Variants in ACVR2A observed in about 807,000 individuals in gnomAD.
ACVR2A encodes activin receptor type-2A.
A neutral mutation model predicts 61.4 loss-of-function variants in ACVR2A; 7 were observed. The observed-to-expected ratio is 0.11, with a 90% CI of 0.06 to 0.21. ACVR2A has a LOEUF of 0.21. Among genes scored for constraint, ACVR2A ranks in the 10% least tolerant of loss-of-function variants. The probability of loss-of-function intolerance (pLI) is 1.00; values close to 1 mark genes in which losing one functional copy is unlikely to be tolerated. For synonymous variants in ACVR2A, 193 were observed against 208.3 expected (o/e 0.93, Z 0.63); for missense variants, 322 against 621.7 (o/e 0.52, Z 5.13).
intron 1 of ACVR2A, among the ~76,000 whole-genome samples, chr2:147,885,362 T>G (rs934230644): frequency 2.2e-4 from 34 of 152,300 alleles, no homozygotes; most frequent in Admixed American, 7.8e-4. Flanking sequence ...CAGTCAGTAC[T>G]TGTTTTAAAA....
chr2:147,876,650 G>A (rs899056722), intron 1 of ACVR2A, among the ~76,000 whole-genome samples: 1 of 152,086 alleles, frequency 6.6e-6, no homozygotes, highest in Non-Finnish European at 1.5e-5. Flanking sequence ...TTCCTCTTGC[G>A]CTTTCATTGC....
At chr2:147,877,117 G>T (rs532861595) in intron 1 of ACVR2A, among the ~76,000 whole-genome samples, 1 of 152,194 alleles carries the variant, frequency 6.6e-6, no homozygotes, top group Admixed American at 6.6e-5. Flanking sequence ...TTAGTTTTTG[G>T]TATTCCAAAA....
In ACVR2A at chr2:147,928,155, T is replaced by TAG. The variant is rs1490569324; in HGVS notation, c.*882_*883insGA. 6.6e-6 allele frequency: 1 copy of TAG among 152,376 alleles called. No individual in the cohort carries two copies. The highest frequency in any genetic ancestry group is 1.5e-5 in the Non-Finnish European group (1 of 67,942). The allele number at this position is 152,376 out of a possible 1,614,324, so 9.4% of individuals were successfully genotyped here. A position where few individuals can be genotyped will look rare whatever the true frequency, so the allele number is the denominator to read the frequency against. ...ATCCAGTTCCCAAAATTTGCATACT[T>TAG]ACCTAAGTATTTTTTTTAGGTGTGC... On this transcript the variant is annotated 3_prime_UTR_variant, in exon 11 of 11. Coordinates refer to ENST00000241416, the MANE Select transcript of ACVR2A (RefSeq NM_001616.5).
intron 4 of ACVR2A, among the ~76,000 whole-genome samples, chr2:147,901,378 AG>A (rs1378886988): frequency 6.6e-6 from 1 of 152,058 alleles, no homozygotes; most frequent in Non-Finnish European, 1.5e-5. Flanking sequence ...GTAATCTTAT[AG>A]ATAACACTGA....
In ACVR2A at chr2:147,848,683, T is replaced by A. The variant is rs527591396; in HGVS notation, c.55+3476T>A. On this transcript the variant is annotated intron_variant, in intron 1 of 10. Transcript: ENST00000241416. Reference sequence around the variant, plus strand: ...AGGATGGAGGGTGGGAGGAGGTAGATGAGCAGAAAAGATAACTATTGGGTA... The same window carrying A: ...AGGATGGAGGGTGGGAGGAGGTAGAAGAGCAGAAAAGATAACTATTGGGTA... 5.3e-5 allele frequency among the ~76,000 whole-genome samples: 8 copies of A among 152,248 alleles called. No individual in the cohort carries two copies. In the East Asian group the frequency reaches 1.5e-3, roughly 29 times the overall value.
At chr2:147,899,222 G>GTA (rs1306892586) in intron 2 of ACVR2A, among the ~76,000 whole-genome samples, 1 of 151,996 alleles carries the variant, frequency 6.6e-6, no homozygotes, top group African/African-American at 2.4e-5. Context: ...TACAGCAATA[G>GTA]TCTCTAGTAG....
At chr2:147,925,842 T>C (rs941592704) in intron 9 of ACVR2A, 189 bp from the exon 10 acceptor site, 9 of 523,706 alleles carry the variant, frequency 1.7e-5, no homozygotes, top group Admixed American at 3.6e-5. Context: ...TATAGGCCTT[T>C]TCATTTCCCA....
intron 4 of ACVR2A, among the ~76,000 whole-genome samples, chr2:147,913,822 CAAAAAAAAAA>C (rs575237522): frequency 2.3e-4 from 14 of 61,800 alleles, no homozygotes; most frequent in South Asian, 9.0e-4. Context: ...AACTTGTAGA[CAAAAAAAAAA>C]AAAAAAAAAA....
At chr2:147,854,220 T>C (rs550837850) in intron 1 of ACVR2A, among the ~76,000 whole-genome samples, 2 of 152,334 alleles carry the variant, frequency 1.3e-5, no homozygotes, top group East Asian at 3.9e-4. Context: ...ATATCTAGAA[T>C]ATTCAGATAT....
chr2:147,906,118 C>T (rs1686983930), intron 4 of ACVR2A, among the ~76,000 whole-genome samples: 1 of 151,938 alleles, frequency 6.6e-6, no homozygotes, highest in South Asian at 2.1e-4. Context: ...TTCCTGTGTT[C>T]TTCATTTCCT....
intron 1 of ACVR2A, among the ~76,000 whole-genome samples, chr2:147,852,010 A>G (rs1685460731): frequency 6.6e-6 from 1 of 152,056 alleles, no homozygotes; most frequent in South Asian, 2.1e-4. Context: ...GTTAGAGTTC[A>G]GTGGTGACAT....
At chr2:147,914,431 T>A (rs1457154746) in intron 4 of ACVR2A, among the ~76,000 whole-genome samples, 1 of 151,980 alleles carries the variant, frequency 6.6e-6, no homozygotes, top group African/African-American at 2.4e-5. Flanking sequence ...GCTCTATTTT[T>A]AAAAAACTAT....
At chr2:147,918,085 A>G (rs925860728) in intron 6 of ACVR2A, among the ~76,000 whole-genome samples, 2 of 151,824 alleles carry the variant, frequency 1.3e-5, no homozygotes, top group African/African-American at 4.8e-5. Flanking sequence ...GTGTTCTGCT[A>G]GTCCCATGAT....
chr2:147,873,646 A>G (rs1313083909), intron 1 of ACVR2A, among the ~76,000 whole-genome samples: 1 of 148,322 alleles, frequency 6.7e-6, no homozygotes, highest in East Asian at 1.9e-4. Flanking sequence ...AGGAAATTAT[A>G]TACTTTTGGG....
chr2:147,922,537 T>C (rs865948065), intron 8 of ACVR2A, among the ~76,000 whole-genome samples: 1 of 152,146 alleles, frequency 6.6e-6, no homozygotes, highest in South Asian at 2.1e-4. Context: ...AACAAATACA[T>C]AGATTTTGTA....
At chr2:147,883,378 A>T (rs1306286087) in intron 1 of ACVR2A, among the ~76,000 whole-genome samples, 2 of 152,144 alleles carry the variant, frequency 1.3e-5, no homozygotes, top group Non-Finnish European at 2.9e-5. Flanking sequence ...TTTGGTAGAG[A>T]CAGCGTTTTG....
intron 9 of ACVR2A, among the ~76,000 whole-genome samples, chr2:147,924,506 A>C (rs1687457071): frequency 6.6e-6 from 1 of 151,938 alleles, no homozygotes; most frequent in Non-Finnish European, 1.5e-5. Flanking sequence ...TGCTTTGTTT[A>C]TGGGGAAGAG....
chr2:147,922,936 A>G (rs1374725388), intron 8 of ACVR2A, 37 bp from the exon 9 acceptor site: 1 of 1,584,946 alleles, frequency 6.3e-7, no homozygotes, highest in Admixed American at 1.9e-5. Context: ...CATAAAGTTA[A>G]TGAATGAGTA....
intron 9 of ACVR2A, among the ~76,000 whole-genome samples, chr2:147,925,413 T>A (rs1054057616): frequency 2.6e-5 from 4 of 152,008 alleles, no homozygotes; most frequent in African/African-American, 9.7e-5. Context: ...ATTATTTATG[T>A]TGTTTAATGT....
Sources: gnomAD v4.1 joint callset for allele counts (sites outside exome capture counted in the v4.1 genomes callset) on GRCh38, gnomAD v4.1.1 for gene constraint, MANE v1.5 for transcripts, NCBI Gene and HGNC (gene_info 2026-07-23, HGNC 2026-07-21) for gene names.